Variants in PLCB4 observed in about 807,000 individuals in gnomAD.
PLCB4 encodes 1-phosphatidylinositol 4,5-bisphosphate phosphodiesterase beta-4.
A neutral mutation model predicts 178.8 loss-of-function variants in PLCB4; 77 were observed. The observed-to-expected ratio is 0.43, with a 90% CI of 0.36 to 0.52. The LOEUF (loss-of-function observed/expected upper bound fraction) is 0.52. Among genes scored for constraint, PLCB4 ranks in the 20% least tolerant of loss-of-function variants. The pLI, the probability that PLCB4 is intolerant of heterozygous loss-of-function variation, is 0.00. For synonymous variants in PLCB4, 496 were observed against 490.8 expected (o/e 1.01, Z -0.14); for missense variants, 1,024 against 1,453.4 (o/e 0.70, Z 4.80).
chr20:9,378,629 G>C (rs1332167434), intron 12 of PLCB4, among the ~76,000 whole-genome samples: 9 of 152,168 alleles, frequency 5.9e-5, no homozygotes, highest in African/African-American at 2.2e-4. Context: ...TGGTGGCCTC[G>C]AGGCCTGCTG....
chr20:9,364,656 T>C (rs1304271549), intron 8 of PLCB4, among the ~76,000 whole-genome samples: 1 of 152,210 alleles, frequency 6.6e-6, no homozygotes, highest in Non-Finnish European at 1.5e-5. Context: ...TCTTCATCCC[T>C]AAAACATCCC....
chr20:9,239,414 T>G (rs2094030818), intron 3 of PLCB4, among the ~76,000 whole-genome samples: 1 of 152,184 alleles, frequency 6.6e-6, no homozygotes, highest in South Asian at 2.1e-4. Context: ...TCCACACCCA[T>G]CTCACAGTTC....
At chr20:9,101,959 C>T (rs914377216) in intron 2 of PLCB4, among the ~76,000 whole-genome samples, 2 of 151,874 alleles carry the variant, frequency 1.3e-5, no homozygotes, top group African/African-American at 4.8e-5. Flanking sequence ...ATTCTCTTGC[C>T]TCAGCCTCCT....
intron 9 of PLCB4, among the ~76,000 whole-genome samples, chr20:9,366,163 G>A (rs2035761947): frequency 6.7e-6 from 1 of 149,832 alleles, no homozygotes; most frequent in Non-Finnish European, 1.5e-5. Context: ...GCCGCAGCGG[G>A]TGGATCACAG....
chr20:9,098,162 A>T (rs906889854), intron 2 of PLCB4, among the ~76,000 whole-genome samples: 1 of 152,168 alleles, frequency 6.6e-6, no homozygotes, highest in Non-Finnish European at 1.5e-5. Flanking sequence ...TTCAAAGACG[A>T]TATAGAGAAA....
At position 9,409,170 on chromosome 20, in the gene PLCB4, A is replaced by G. The variant is rs1021841547; in HGVS notation, c.1988A>G (p.Tyr663Cys). 6 of 1,599,654 alleles carry G rather than the reference A, an allele frequency of 3.8e-6. No homozygotes were observed. In the African/African-American group the frequency reaches 4.1e-5, roughly 11 times the overall value. Reference protein sequence around the residue: ...NAGCQMVSLNYQTPDLAMQLN... With the variant: ...NAGCQMVSLNCQTPDLAMQLN... ...GGCTGCCAGATGGTTTCACTGAACT[A>G]TCAAACCCCAGGTAGGAGCTGATGT... The change falls in exon 24 of 40, where the codon TAT (tyrosine) becomes TGT (cysteine). Residue 663 changes from tyrosine to cysteine, a missense_variant. Coordinates refer to ENST00000378473, the MANE Select transcript of PLCB4 (RefSeq NM_001377142.1).
chr20:9,079,861 T>C (rs2090064696), intron 1 of PLCB4, among the ~76,000 whole-genome samples: 1 of 152,078 alleles, frequency 6.6e-6, no homozygotes, highest in East Asian at 1.9e-4. Context: ...TGGAAGGGAT[T>C]ATGCTTTATG....
chr20:9,187,471 A>G (rs773356095), intron 2 of PLCB4, among the ~76,000 whole-genome samples: 1 of 152,194 alleles, frequency 6.6e-6, no homozygotes, highest in Non-Finnish European at 1.5e-5. Flanking sequence ...CTTCATTTCA[A>G]GGACATAACT....
chr20:9,258,779 G>T (rs2094266112), intron 3 of PLCB4, among the ~76,000 whole-genome samples: 1 of 151,556 alleles, frequency 6.6e-6, no homozygotes, highest in African/African-American at 2.4e-5. Context: ...TGACTTCATG[G>T]TTTGGAGGTA....
At position 9,378,072 on chromosome 20, in the gene PLCB4, T is replaced by C. The variant is rs183485938; in HGVS notation, c.745-1982T>C. Among the ~76,000 whole-genome samples the C allele has an allele frequency of 3.0e-4, 45 of 152,256 alleles. No individual in the cohort carries two copies. In the East Asian group the frequency reaches 8.3e-3, roughly 28 times the overall value. On this transcript the variant is annotated intron_variant, in intron 12 of 39. Coordinates refer to ENST00000378473, the MANE Select transcript of PLCB4 (RefSeq NM_001377142.1). ...CACAGATCACACTTCAGGTAGTACCTTGTCAGAATAAACACATGTATGTAT... is the reference window on the plus strand; with the variant it reads ...CACAGATCACACTTCAGGTAGTACCCTGTCAGAATAAACACATGTATGTAT...
intron 38 of PLCB4, among the ~76,000 whole-genome samples, chr20:9,474,029 C>A (rs2044371376): frequency 6.6e-6 from 1 of 152,046 alleles, no homozygotes; most frequent in Non-Finnish European, 1.5e-5. Flanking sequence ...CCATCCTGGC[C>A]AACATGGTGA....
At chr20:9,415,732 A>G (rs2040197175) in intron 25 of PLCB4, among the ~76,000 whole-genome samples, 1 of 152,256 alleles carries the variant, frequency 6.6e-6, no homozygotes, top group Non-Finnish European at 1.5e-5. Flanking sequence ...CCAATGCAGA[A>G]TGAAAATGAA....
chr20:9,124,735 A>G (rs758386481), intron 2 of PLCB4, among the ~76,000 whole-genome samples: 5 of 152,124 alleles, frequency 3.3e-5, no homozygotes, highest in Admixed American at 1.3e-4. Context: ...GTTGTGACCA[A>G]TTCACAAACT....
chr20:9,417,592 C>T lies in PLCB4; in HGVS notation c.2052-2215C>T, dbSNP rs567643118. On this transcript the variant is annotated intron_variant, in intron 25 of 39. Transcript: ENST00000378473. ...TGGATATACCATGTTTTGTGCCATA[C>T]ATTCATTCATCGATGGACATTTGGG... Among the ~76,000 whole-genome samples the T allele has an allele frequency of 8.5e-5, 13 of 152,268 alleles. 1 individual carries two copies. In the South Asian group the frequency reaches 2.5e-3, roughly 29 times the overall value.
chr20:9,138,384 T>C (rs1312215107), intron 2 of PLCB4, among the ~76,000 whole-genome samples: 1 of 152,070 alleles, frequency 6.6e-6, no homozygotes, highest in African/African-American at 2.4e-5. Flanking sequence ...AAATAATATC[T>C]TTGGGGATCT....
At chr20:9,231,467 T>C (rs951659306) in intron 3 of PLCB4, among the ~76,000 whole-genome samples, 3 of 152,114 alleles carry the variant, frequency 2.0e-5, no homozygotes, top group Non-Finnish European at 4.4e-5. Context: ...CTGTATTCAC[T>C]AGTCCTTGGT....
chr20:9,116,145 G>T (rs1271380114), intron 2 of PLCB4, among the ~76,000 whole-genome samples: 1 of 151,248 alleles, frequency 6.6e-6, no homozygotes, highest in Non-Finnish European at 1.5e-5. Context: ...GTGTGTGTGT[G>T]CGCGTGTGTG....
At chr20:9,419,460 C>T (rs1049866150) in intron 25 of PLCB4, among the ~76,000 whole-genome samples, 17 of 152,252 alleles carry the variant, frequency 1.1e-4, no homozygotes, top group African/African-American at 3.6e-4. Flanking sequence ...GGTAGAATAT[C>T]ACATATTTTT....
At position 9,437,049 on chromosome 20, in the gene PLCB4, A is replaced by C. The variant is rs761211630; in HGVS notation, c.2661A>C (p.Lys887Asn). 1.9e-6 allele frequency: 3 copies of C among 1,613,982 alleles called. No homozygotes were observed. The highest frequency in any genetic ancestry group is 1.3e-5 in the African/African-American group (1 of 74,934). Residue 887 changes from lysine to asparagine, a missense_variant, in exon 30 of 40, where the codon AAA (lysine) becomes AAC (asparagine). Lys to Asn is a moderately conservative substitution (Grantham distance 94). Coordinates refer to ENST00000378473, the MANE Select transcript of PLCB4 (RefSeq NM_001377142.1). ...GTGACACTTCCAAAAATGACAAGAAAGGAAAGGCCAACACCGCCAAAGCAA... is the reference window on the plus strand; with the variant it reads ...GTGACACTTCCAAAAATGACAAGAACGGAAAGGCCAACACCGCCAAAGCAA... ...VPSDTSKNDK[K>N]GKANTAKANV...
Sources: allele counts gnomAD v4.1 joint callset (sites outside exome capture counted in the v4.1 genomes callset), GRCh38; gene constraint gnomAD v4.1.1; transcripts MANE v1.5; gene names NCBI Gene and HGNC (gene_info 2026-07-23, HGNC 2026-07-21).